MAGI1: variants seen among roughly 807,000 people sequenced by gnomAD.
MAGI1 encodes membrane associated guanylate kinase, WW and PDZ domain containing 1.
Under a neutral mutation model 139.9 loss-of-function variants are expected in MAGI1, and 58 were observed. That is an observed-to-expected ratio of 0.41 (90% confidence interval 0.34 to 0.52). MAGI1 has a LOEUF of 0.52. Ranked by LOEUF, MAGI1 falls within the 20% of genes least tolerant of loss-of-function variation. The pLI is 0.12. For missense variants in MAGI1, 1,874 were observed against 1,901.6 expected, an observed-to-expected ratio of 0.99 and a Z score of 0.27; for synonymous variants, 812 against 737.9, an observed-to-expected ratio of 1.10 and a Z score of -1.63.
chr3:65,668,319 A>T (rs1158534712), intron 1 of MAGI1, among the ~76,000 whole-genome samples: 1 of 152,214 alleles, frequency 6.6e-6, no homozygotes, highest in African/African-American at 2.4e-5. Context: ...ATACTGGCTC[A>T]TGAGAGTCAA....
intron 1 of MAGI1, among the ~76,000 whole-genome samples, chr3:65,738,555 G>T (rs1379116482): frequency 4.6e-5 from 7 of 152,284 alleles, no homozygotes; most frequent in African/African-American, 1.7e-4. Flanking sequence ...ATCCATAGAA[G>T]AATCACTATC....
chr3:65,702,256 T>C (rs1268313905), intron 1 of MAGI1, among the ~76,000 whole-genome samples: 3 of 152,212 alleles, frequency 2.0e-5, no homozygotes, highest in Admixed American at 2.0e-4. Flanking sequence ...AGGCAATCTT[T>C]AGCCACCCTG....
chr3:65,730,575 C>T (rs1454644613), intron 1 of MAGI1, among the ~76,000 whole-genome samples: 3 of 152,162 alleles, frequency 2.0e-5, no homozygotes, highest in Non-Finnish European at 4.4e-5. Flanking sequence ...ACGAGACTGG[C>T]TTAGACCAAC....
chr3:65,859,991 G>T (rs1194632300), intron 1 of MAGI1, among the ~76,000 whole-genome samples: 2 of 151,786 alleles, frequency 1.3e-5, no homozygotes, highest in African/African-American at 2.4e-5. Context: ...TGCCTCCGGG[G>T]TTCAAGCGAT....
At chr3:65,811,975 C>G (rs1346717619) in intron 1 of MAGI1, among the ~76,000 whole-genome samples, 4 of 151,594 alleles carry the variant, frequency 2.6e-5, no homozygotes, top group African/African-American at 9.7e-5. Flanking sequence ...AGAGAGCGTG[C>G]ACTCGCAGCT....
intron 18 of MAGI1, among the ~76,000 whole-genome samples, chr3:65,368,202 C>T (rs542125855): frequency 1.3e-5 from 2 of 152,280 alleles, no homozygotes; most frequent in South Asian, 4.1e-4. Flanking sequence ...GAGTATGAGT[C>T]TCCCTGCCCT....
chr3:65,663,965 G>A (rs932462846), intron 1 of MAGI1, among the ~76,000 whole-genome samples: 2 of 152,114 alleles, frequency 1.3e-5, no homozygotes, highest in Admixed American at 6.5e-5. Context: ...ATGTCAAGTC[G>A]TGTTGACAGA....
intron 2 of MAGI1, among the ~76,000 whole-genome samples, chr3:65,545,094 C>G (rs960792346): frequency 6.6e-6 from 1 of 152,136 alleles, no homozygotes; most frequent in Admixed American, 6.6e-5. Flanking sequence ...AGACCTAAAT[C>G]TTAGAAATGG....
chr3:65,606,522 G>A (rs955913719), intron 2 of MAGI1, among the ~76,000 whole-genome samples: 7 of 150,426 alleles, frequency 4.7e-5, no homozygotes, highest in African/African-American at 1.7e-4. Context: ...TTATTTATTT[G>A]TTTGTTTATT....
intron 1 of MAGI1, among the ~76,000 whole-genome samples, chr3:65,811,484 C>T (rs545669856): frequency 6.6e-6 from 1 of 152,108 alleles, no homozygotes; most frequent in Non-Finnish European, 1.5e-5. Flanking sequence ...CTCCACTCAT[C>T]GACCAAGAGC....
At chr3:65,425,120 A>AC in intron 12 of MAGI1, among the ~76,000 whole-genome samples, 2 of 50,550 alleles carry the variant, frequency 4.0e-5, no homozygotes, top group African/African-American at 1.7e-4. Context: ...AAAAAAAAAA[A>AC]AAAAAAAAAA....
intron 1 of MAGI1, among the ~76,000 whole-genome samples, chr3:66,026,793 G>C (rs142518817): frequency 2.9e-4 from 44 of 151,848 alleles, no homozygotes; most frequent in African/African-American, 9.9e-4. Context: ...TTTTTGGCAG[G>C]AAACACTTTG....
chr3:65,510,204 A>G (rs2077511049), intron 2 of MAGI1, among the ~76,000 whole-genome samples: 1 of 152,244 alleles, frequency 6.6e-6, no homozygotes, highest in Admixed American at 6.5e-5. Context: ...AAGATGGGGA[A>G]AAAACAGAAC....
chr3:65,554,343 CA>C (rs2079988216), intron 2 of MAGI1, among the ~76,000 whole-genome samples: 1 of 152,132 alleles, frequency 6.6e-6, no homozygotes, highest in Non-Finnish European at 1.5e-5. Flanking sequence ...TAAAGTCTGA[CA>C]AAAGATGACA....
chr3:65,802,862 G>GTGTGTC (rs2040604135), intron 1 of MAGI1, among the ~76,000 whole-genome samples: 1 of 151,270 alleles, frequency 6.6e-6, no homozygotes, highest in Non-Finnish European at 1.5e-5. Flanking sequence ...GTGTGTGTGT[G>GTGTGTC]TGTGTGTGTG....
At chr3:65,850,460 G>A (rs1206398636) in intron 1 of MAGI1, among the ~76,000 whole-genome samples, 2 of 152,144 alleles carry the variant, frequency 1.3e-5, no homozygotes, top group Non-Finnish European at 2.9e-5. Context: ...AGATATCCTT[G>A]AAGTGTCAAG....
At chr3:65,969,241 A>G (rs965871378) in intron 1 of MAGI1, among the ~76,000 whole-genome samples, 2 of 152,150 alleles carry the variant, frequency 1.3e-5, no homozygotes, top group African/African-American at 4.8e-5. Context: ...ATGCCACAAA[A>G]CATTGCTCTC....
chr3:65,744,191 TTCTAGCTAGTTTTC>T (rs2035503347), intron 1 of MAGI1, among the ~76,000 whole-genome samples: 2 of 152,230 alleles, frequency 1.3e-5, no homozygotes, highest in African/African-American at 4.8e-5. Flanking sequence ...GCCAGGTTTC[TTCTAGCTAGTTTTC>T]AGGTTTCAGA....
intron 2 of MAGI1, among the ~76,000 whole-genome samples, chr3:65,525,688 A>C (rs2078348081): frequency 2.0e-5 from 3 of 152,224 alleles, no homozygotes. Flanking sequence ...GAGTTGTAAA[A>C]ATTTATGAAA....
Sources: gnomAD v4.1 joint callset for allele counts (sites outside exome capture counted in the v4.1 genomes callset) on GRCh38, gnomAD v4.1.1 for gene constraint, MANE v1.5 for transcripts, NCBI Gene and HGNC (gene_info 2026-07-23, HGNC 2026-07-21) for gene names.